The following TMEFF1 variants were observed in gnomAD, a reference collection of about 807,000 sequenced individuals.
The protein encoded by TMEFF1 is tomoregulin-1.
A neutral mutation model predicts 47.5 loss-of-function variants in TMEFF1; 20 were observed. The observed-to-expected ratio is 0.42, with a 90% CI of 0.30 to 0.61. The LOEUF is 0.61. TMEFF1 is among the 20% of genes least tolerant of loss of function. The probability of loss-of-function intolerance (pLI) is 0.19; values close to 1 mark genes in which losing one functional copy is unlikely to be tolerated. For missense variants in TMEFF1, 411 were observed against 471.1 expected, an observed-to-expected ratio of 0.87 and a Z score of 1.18; for synonymous variants, 162 against 166.3, an observed-to-expected ratio of 0.97 and a Z score of 0.20.
chr9:100,535,167 A>C (rs1171753195), intron 5 of TMEFF1, among the ~76,000 whole-genome samples: 2 of 152,178 alleles, frequency 1.3e-5, no homozygotes, highest in Non-Finnish European at 2.9e-5. Flanking sequence ...AATGACAGCA[A>C]ATAGTGCCTT....
chr9:100,537,778 C>G lies in TMEFF1; in HGVS notation c.561-9966C>G, dbSNP rs532288878. Among the ~76,000 whole-genome samples, 191 of 152,298 alleles carry G rather than the reference C, an allele frequency of 1.3e-3. 1 individual carries two copies. Among genetic ancestry groups the G allele is most frequent in the Non-Finnish European group, 1.9e-3 (132 of 68,018 alleles). On this transcript the variant is annotated intron_variant, in intron 5 of 9. Coordinates refer to ENST00000374879, the MANE Select transcript of TMEFF1 (RefSeq NM_003692.5). ...TTGTTCTCTGCATTTGTCTGCGCCC[C>G]TCCCTTATCCACAACTTTTACCTGA...
Position 100,533,805 on chromosome 9 carries a change from G to A in TMEFF1, c.561-13939G>A, listed in dbSNP as rs533135587. On this transcript the variant is annotated intron_variant, in intron 5 of 9. Transcript: ENST00000374879. ...GCGATCTTGTTTCACTGCAACCTCCGCCTCCTGGGTTGAAGCGATTCTCCT... is the reference window on the plus strand; with the variant it reads ...GCGATCTTGTTTCACTGCAACCTCCACCTCCTGGGTTGAAGCGATTCTCCT... Among the ~76,000 whole-genome samples the A allele has an allele frequency of 2.0e-3, 302 of 152,124 alleles. 1 individual carries two copies. The highest frequency in any genetic ancestry group is 6.7e-3 in the African/African-American group (280 of 41,520).
intron 8 of TMEFF1, among the ~76,000 whole-genome samples, chr9:100,568,818 A>G (rs1839175746): frequency 6.6e-6 from 1 of 152,174 alleles, no homozygotes; most frequent in South Asian, 2.1e-4. Flanking sequence ...ATTGAACTAT[A>G]TAGTATGGGG....
chr9:100,488,115 A>AG (rs1196219482), intron 1 of TMEFF1, among the ~76,000 whole-genome samples: 1 of 152,234 alleles, frequency 6.6e-6, no homozygotes, highest in East Asian at 1.9e-4. Flanking sequence ...ATTGATTTAA[A>AG]AAACAGTTTA....
chr9:100,545,532 G>T (rs1184925062), intron 5 of TMEFF1, among the ~76,000 whole-genome samples: 1 of 152,176 alleles, frequency 6.6e-6, no homozygotes, highest in African/African-American at 2.4e-5. Context: ...CCTACAATGG[G>T]AGGGGCTGCC....
rs1838319347 is a variant in TMEFF1, at chr9:100,528,877, A to G, written c.560+12106A>G. ...TTACCCACAAAGGGAAGCCCATCAG[A>G]CTAACAGCAGATCTCTCGGCAGAAA... On this transcript the variant is annotated intron_variant, in intron 5 of 9. Coordinates refer to ENST00000374879, the MANE Select transcript of TMEFF1 (RefSeq NM_003692.5). Among the ~76,000 whole-genome samples the G allele has an allele frequency of 7.0e-5, 10 of 141,946 alleles. No individual in the cohort carries two copies. The South Asian group carries it at 2.4e-3, about 34-fold the overall frequency. The allele number at this position is 141,946 out of a possible 152,430, so 93.1% of individuals were successfully genotyped here.
chr9:100,555,960 C>T (rs893725128), intron 7 of TMEFF1, among the ~76,000 whole-genome samples: 3 of 152,170 alleles, frequency 2.0e-5, no homozygotes, highest in Admixed American at 1.3e-4. Flanking sequence ...GGCAGAACAG[C>T]GACTGGAATT....
At chr9:100,567,172 C>A (rs1219055772) in intron 8 of TMEFF1, among the ~76,000 whole-genome samples, 1 of 152,178 alleles carries the variant, frequency 6.6e-6, no homozygotes, top group Non-Finnish European at 1.5e-5. Context: ...TCTTCTGCAG[C>A]CACACTTGCT....
intron 3 of TMEFF1, among the ~76,000 whole-genome samples, chr9:100,511,777 T>C (rs1837971198): frequency 6.6e-6 from 1 of 152,182 alleles, no homozygotes; most frequent in Non-Finnish European, 1.5e-5. Context: ...CAGTGCTTTC[T>C]CAGTGGGGAG....
chr9:100,564,173 C>G (rs907351502), intron 8 of TMEFF1, among the ~76,000 whole-genome samples: 1 of 152,236 alleles, frequency 6.6e-6, no homozygotes, highest in Admixed American at 6.5e-5. Context: ...CTCCCAGGTT[C>G]AAGCGATTCT....
At chr9:100,537,755 G>A (rs903277025) in intron 5 of TMEFF1, among the ~76,000 whole-genome samples, 1 of 152,138 alleles carries the variant, frequency 6.6e-6, no homozygotes, top group African/African-American at 2.4e-5. Context: ...GTAGATTGTT[G>A]TTCTCTGCAT....
intron 5 of TMEFF1, among the ~76,000 whole-genome samples, chr9:100,544,249 T>C (rs1054681582): frequency 6.6e-6 from 1 of 152,082 alleles, no homozygotes; most frequent in Non-Finnish European, 1.5e-5. Flanking sequence ...ACACTGCTGA[T>C]AAAGACATAC....
At chr9:100,542,461 G>A (rs1413722380) in intron 5 of TMEFF1, among the ~76,000 whole-genome samples, 2 of 152,112 alleles carry the variant, frequency 1.3e-5, no homozygotes, top group East Asian at 3.8e-4. Context: ...ACAGTCAGCA[G>A]GTGACAAATT....
intron 5 of TMEFF1, among the ~76,000 whole-genome samples, chr9:100,525,155 G>T (rs771773638): frequency 3.3e-5 from 5 of 152,088 alleles, no homozygotes; most frequent in Non-Finnish European, 7.4e-5. Flanking sequence ...CTTCAGTGTG[G>T]TGTCTTTTCC....
chr9:100,479,399 T>G, intron 1 of TMEFF1, among the ~76,000 whole-genome samples: 1 of 152,156 alleles, frequency 6.6e-6, no homozygotes, highest in Admixed American at 6.5e-5. Context: ...CAAGATAGGA[T>G]TTTTTAAAAG....
intron 3 of TMEFF1, among the ~76,000 whole-genome samples, chr9:100,511,553 T>G (rs947376950): frequency 6.6e-6 from 1 of 152,258 alleles, no homozygotes; most frequent in East Asian, 1.9e-4. Context: ...TTTGGTCTTT[T>G]GTGGATCCTA....
intron 5 of TMEFF1, 61 bp downstream of exon 5, chr9:100,516,832 T>C (rs982283780): frequency 1.3e-5 from 20 of 1,560,050 alleles, no homozygotes; most frequent in Admixed American, 2.0e-5. Flanking sequence ...TATGATTATA[T>C]TGTGGAAAGG....
At chr9:100,505,844 A>G (rs1415752115) in intron 2 of TMEFF1, among the ~76,000 whole-genome samples, 2 of 152,248 alleles carry the variant, frequency 1.3e-5, no homozygotes, top group Non-Finnish European at 2.9e-5. Flanking sequence ...TGGAAAGTTC[A>G]TAGATTTAGC....
chr9:100,475,566 G>A (rs554395503), intron 1 of TMEFF1, among the ~76,000 whole-genome samples: 84 of 152,234 alleles, frequency 5.5e-4, no homozygotes, highest in Non-Finnish European at 4.1e-4. Flanking sequence ...TTCTTGCTAA[G>A]CTAATTCGTT....
Sources: gnomAD v4.1 joint callset for allele counts (sites outside exome capture counted in the v4.1 genomes callset) on GRCh38, gnomAD v4.1.1 for gene constraint, MANE v1.5 for transcripts, NCBI Gene and HGNC (gene_info 2026-07-23, HGNC 2026-07-21) for gene names.